Variants in SPOP observed in about 807,000 individuals in gnomAD.
SPOP encodes speckle type BTB/POZ protein.
Under a neutral mutation model 45.6 loss-of-function variants are expected in SPOP, and 11 were observed. That is an observed-to-expected ratio of 0.24 (90% confidence interval 0.15 to 0.40). The LOEUF is 0.40. Ranked by LOEUF, SPOP falls within the 10% of genes least tolerant of loss-of-function variation. The pLI, the probability that SPOP is intolerant of heterozygous loss-of-function variation, is 1.00. For synonymous variants in SPOP, 166 were observed against 166.3 expected (o/e 1.00, Z 0.01); for missense variants, 152 against 465.6 (o/e 0.33, Z 6.20).
At position 49,619,458 on chromosome 17, in the gene SPOP, G is replaced by A. The variant is rs7219984; in HGVS notation, c.201-73C>T. On this transcript the variant is annotated intron_variant, in intron 3 of 9. Transcript: ENST00000504102. This position sits in a 1 kb window ranked among gnomAD's most constrained non-coding sequence, Gnocchi z 4.9. ...ATAGAACTGGAAATCAGACTCAAGAGAGGGAGATGTTTAAAAAACAAATGC... is the reference window on the plus strand; with the variant it reads ...ATAGAACTGGAAATCAGACTCAAGAAAGGGAGATGTTTAAAAAACAAATGC... 272,878 of 1,495,040 alleles carry A rather than the reference G, an allele frequency of 0.18. 25,592 individuals are homozygous for A. Among genetic ancestry groups the A allele is most frequent in the East Asian group, 0.31 (13,269 of 42,772 alleles). 92.6% of individuals were successfully genotyped at this position (1,495,040 alleles called of 1,614,324 possible).
intron 1 of SPOP, among the ~76,000 whole-genome samples, chr17:49,653,458 ATTCT>A (rs760755634): frequency 9.2e-5 from 14 of 152,122 alleles, no homozygotes; most frequent in African/African-American, 3.4e-4. Context: ...GACACACTTT[ATTCT>A]TTCTAATGGT....
chr17:49,636,446 C>T (rs958019240), intron 1 of SPOP: 3 of 152,104 alleles, frequency 2.0e-5, no homozygotes, highest in African/African-American at 7.2e-5. Context: ...CTAGAAATCA[C>T]CAGAGAAGAT....
chr17:49,607,052 AT>A, intron 8 of SPOP, 197 bp downstream of exon 8: 1 of 566,580 alleles, frequency 1.8e-6, no homozygotes, highest in Non-Finnish European at 3.0e-6. Flanking sequence ...ATAGTTTACT[AT>A]TCAAAACAGG....
intron 1 of SPOP, among the ~76,000 whole-genome samples, chr17:49,655,379 C>G (rs373201388): frequency 9.2e-5 from 14 of 151,932 alleles, no homozygotes; most frequent in African/African-American, 3.1e-4. Context: ...GGCGTGGTGG[C>G]GGGCACCTGT....
At chr17:49,624,394 T>C (rs2072287589) in intron 1 of SPOP, among the ~76,000 whole-genome samples, 1 of 151,802 alleles carries the variant, frequency 6.6e-6, no homozygotes, top group African/African-American at 2.4e-5. Flanking sequence ...ATATGTTAAT[T>C]GGTTTGATTA....
intron 1 of SPOP, among the ~76,000 whole-genome samples, chr17:49,641,847 C>G (rs1033682432): frequency 6.6e-6 from 1 of 150,990 alleles, no homozygotes; most frequent in African/African-American, 2.4e-5. Context: ...AATGGTGAAA[C>G]CCTGTCTCTA....
intron 6 of SPOP, 108 bp from the exon 7 acceptor site, chr17:49,608,037 G>T: frequency 1.1e-6 from 1 of 882,542 alleles, no homozygotes; most frequent in Non-Finnish European, 1.7e-6. Context: ...ACTGCTATAG[G>T]AAAGGTCTCT....
In SPOP at chr17:49,659,111, G is replaced by A. The variant is rs180676687; in HGVS notation, c.-67+18822C>T. On this transcript the variant is annotated intron_variant, in intron 1 of 9. Coordinates refer to ENST00000504102, the MANE Select transcript of SPOP (RefSeq NM_001007228.2). Reference sequence around the variant, plus strand: ...GGAAAACACTAAAAGAAACAGGTAAGGACCACATCACAGAGATCCTAACAG... The same window carrying A: ...GGAAAACACTAAAAGAAACAGGTAAAGACCACATCACAGAGATCCTAACAG... 2.1e-3 allele frequency among the ~76,000 whole-genome samples: 320 copies of A among 152,276 alleles called. 5 individuals carry two copies. The highest frequency in any genetic ancestry group is 3.4e-3 in the Middle Eastern group (1 of 294).
At chr17:49,634,195 G>A (rs1404407811) in intron 1 of SPOP, among the ~76,000 whole-genome samples, 1 of 152,192 alleles carries the variant, frequency 6.6e-6, no homozygotes, top group Non-Finnish European at 1.5e-5. Flanking sequence ...TAGAAATGAA[G>A]TCAGAAAGGC....
chr17:49,666,184 A>AT (rs1195141890), intron 1 of SPOP, among the ~76,000 whole-genome samples: 4 of 152,084 alleles, frequency 2.6e-5, no homozygotes, highest in African/African-American at 4.8e-5. Flanking sequence ...TTTAAGTGGC[A>AT]TTAGAAAAGT....
intron 8 of SPOP, among the ~76,000 whole-genome samples, chr17:49,604,644 C>T (rs1390798181): frequency 2.0e-5 from 3 of 152,164 alleles, no homozygotes; most frequent in Non-Finnish European, 4.4e-5. Context: ...GGGTCTACTG[C>T]TGGCAGGATC....
chr17:49,600,265 C>T lies in SPOP; in HGVS notation c.*113G>A. 1 of 1,389,570 alleles carries T rather than the reference C, an allele frequency of 7.2e-7. No individual in the cohort carries two copies. The highest frequency in any genetic ancestry group is 1.0e-6 in the Non-Finnish European group (1 of 1,003,112). The allele number at this position is 1,389,570 out of a possible 1,614,324, so 86.1% of individuals were successfully genotyped here. On this transcript the variant is annotated 3_prime_UTR_variant, in exon 10 of 10. Transcript: ENST00000504102. This position sits in a 1 kb window ranked among gnomAD's most constrained non-coding sequence, Gnocchi z 4.2. Reference sequence around the variant, plus strand: ...TCTGGGGCCACAATGCAGTCTCTTCCCCTCACAACAGAGTAAAAGCTCCAC... The same window carrying T: ...TCTGGGGCCACAATGCAGTCTCTTCTCCTCACAACAGAGTAAAAGCTCCAC...
At chr17:49,646,123 T>C (rs2072754562) in intron 1 of SPOP, 1 of 152,194 alleles carries the variant, frequency 6.6e-6, no homozygotes, top group South Asian at 2.1e-4. Context: ...TACCTGTACA[T>C]TTTATCATCT....
At chr17:49,615,208 TAAAATA>T (rs557962067) in intron 5 of SPOP, among the ~76,000 whole-genome samples, 103 of 152,268 alleles carry the variant, frequency 6.8e-4, no homozygotes, top group African/African-American at 2.3e-3. Flanking sequence ...CTTAAAAAAT[TAAAATA>T]AAGTTAATTA....
chr17:49,617,923 CAAAAAAAA>C (rs907445153), intron 5 of SPOP, among the ~76,000 whole-genome samples: 18 of 55,884 alleles, frequency 3.2e-4, no homozygotes, highest in African/African-American at 1.1e-3. Context: ...GACTCCGTCT[CAAAAAAAA>C]AAAAAAAAAA....
chr17:49,652,906 A>G (rs1300146718), intron 1 of SPOP, among the ~76,000 whole-genome samples: 1 of 152,202 alleles, frequency 6.6e-6, no homozygotes, highest in Non-Finnish European at 1.5e-5. Context: ...TAGTTGCTTT[A>G]AGAACTGTCT....
intron 1 of SPOP, among the ~76,000 whole-genome samples, chr17:49,668,993 G>A (rs1250831370): frequency 6.6e-6 from 1 of 151,600 alleles, no homozygotes; most frequent in Non-Finnish European, 1.5e-5. Flanking sequence ...AGCCAGGGTG[G>A]TATCGATCTC....
chr17:49,618,947 G>A (rs2143258850), intron 5 of SPOP, 34 bp downstream of exon 5: 1 of 1,594,680 alleles, frequency 6.3e-7, no homozygotes, highest in Non-Finnish European at 8.5e-7. Flanking sequence ...TCAGATCTGG[G>A]AACTGCTAGT....
At chr17:49,660,860 G>C (rs2072978414) in intron 1 of SPOP, among the ~76,000 whole-genome samples, 2 of 152,186 alleles carry the variant, frequency 1.3e-5, no homozygotes, top group Non-Finnish European at 1.5e-5. Context: ...CAGCTACTCG[G>C]GAGGCTGAGG....
Sources: gnomAD v4.1 joint callset for allele counts (sites outside exome capture counted in the v4.1 genomes callset) on GRCh38, gnomAD v4.1.1 for gene constraint, Gnocchi (gnomAD v3.1) non-coding constraint, MANE v1.5 for transcripts, NCBI Gene and HGNC (gene_info 2026-07-23, HGNC 2026-07-21) for gene names.